SLC16A1: variants seen among roughly 807,000 people sequenced by gnomAD.
The protein encoded by SLC16A1 is solute carrier family 16 member 1, also known as monocarboxylate transporter 1.
Under a neutral mutation model 32.2 loss-of-function variants are expected in SLC16A1, and 11 were observed. The observed-to-expected ratio is 0.34, with a 90% confidence interval of 0.21 to 0.56. The LOEUF is 0.56. Among genes scored for constraint, SLC16A1 ranks in the 20% least tolerant of loss-of-function variants. The pLI is 0.87. For missense variants in SLC16A1, 435 were observed against 615.0 expected (o/e 0.71, Z 3.10); for synonymous variants, 231 against 226.8 (o/e 1.02, Z -0.17).
At chr1:112,923,340 C>T (rs911049250) in intron 2 of SLC16A1, 12 of 493,152 alleles carry the variant, frequency 2.4e-5, no homozygotes, top group East Asian at 4.0e-5. Flanking sequence ...CCTAAAGCCA[C>T]GCGGCCGCCA....
At position 112,944,915 on chromosome 1, in the gene SLC16A1, A is replaced by T. The variant is rs1490801356; in HGVS notation, c.-45+11120T>A. Among the ~76,000 whole-genome samples the T allele has an allele frequency of 2.7e-5, 4 of 150,102 alleles. No individual in the cohort carries two copies. In the East Asian group the frequency reaches 7.9e-4, roughly 30 times the overall value. On this transcript the variant is annotated intron_variant, in intron 1 of 4. Coordinates refer to ENST00000369626, the MANE Select transcript of SLC16A1 (RefSeq NM_003051.4). ...ACCGTGCTGGCTAGGCTGGTCTCAAACTCCTGACCTCAAATGATCTGCCCG... is the reference window on the plus strand; with the variant it reads ...ACCGTGCTGGCTAGGCTGGTCTCAATCTCCTGACCTCAAATGATCTGCCCG...
At chr1:112,948,768 G>A (rs1649788626) in intron 1 of SLC16A1, among the ~76,000 whole-genome samples, 1 of 152,132 alleles carries the variant, frequency 6.6e-6, no homozygotes, top group African/African-American at 2.4e-5. Context: ...CTCCCAAAGT[G>A]CTGGGATTAT....
In SLC16A1 at chr1:112,956,022, T is replaced by C. The variant is rs554436260; in HGVS notation, c.-45+13A>G. The C allele has an allele frequency of 5.3e-5, 8 of 152,194 alleles. No homozygotes were observed. The highest frequency in any genetic ancestry group is 4.2e-4 in the South Asian group (2 of 4,816). The allele number at this position is 152,194 out of a possible 1,614,324, so 9.4% of individuals were successfully genotyped here. The stretch of plus-strand genomic sequence containing the variant: ...GGTCCGCGCCGCGTGCCGCCGGCTG[T>C]TACCCAACTAACCGTTATATGCGCG... On this transcript the variant is annotated intron_variant, in intron 1 of 4. Coordinates refer to ENST00000369626, the MANE Select transcript of SLC16A1 (RefSeq NM_003051.4).
At chr1:112,947,042 A>G (rs1044840397) in intron 1 of SLC16A1, among the ~76,000 whole-genome samples, 1 of 152,240 alleles carries the variant, frequency 6.6e-6, no homozygotes, top group Non-Finnish European at 1.5e-5. Context: ...GAGTTTCCAA[A>G]TATAGACCCA....
At chr1:112,949,696 AATTTT>A (rs1649820999) in intron 1 of SLC16A1, among the ~76,000 whole-genome samples, 1 of 151,834 alleles carries the variant, frequency 6.6e-6, no homozygotes, top group African/African-American at 2.4e-5. Context: ...TTTTTAATAT[AATTTT>A]ATTTTTTTTT....
intron 2 of SLC16A1, among the ~76,000 whole-genome samples, chr1:112,927,515 A>T (rs1648983933): frequency 6.6e-6 from 1 of 152,192 alleles, no homozygotes; most frequent in Non-Finnish European, 1.5e-5. Context: ...CTATTAGGGG[A>T]TATACTATTT....
intron 1 of SLC16A1, among the ~76,000 whole-genome samples, chr1:112,954,072 G>A (rs765766412): frequency 2.0e-5 from 3 of 152,124 alleles, no homozygotes; most frequent in Admixed American, 1.3e-4. Context: ...ACAAATTGCC[G>A]AACATATAAA....
intron 2 of SLC16A1, among the ~76,000 whole-genome samples, chr1:112,926,228 A>C (rs1648937071): frequency 6.6e-6 from 1 of 152,198 alleles, no homozygotes; most frequent in Non-Finnish European, 1.5e-5. Context: ...TAAGCATGTT[A>C]AGAAGGAATT....
chr1:112,926,101 G>A (rs1648931321), intron 2 of SLC16A1, among the ~76,000 whole-genome samples: 1 of 152,200 alleles, frequency 6.6e-6, no homozygotes, highest in Non-Finnish European at 1.5e-5. Context: ...TACTGGCAGT[G>A]ATCATGATAC....
intron 1 of SLC16A1, among the ~76,000 whole-genome samples, chr1:112,938,113 T>C (rs1649372160): frequency 6.6e-6 from 1 of 152,194 alleles, no homozygotes; most frequent in Non-Finnish European, 1.5e-5. Flanking sequence ...ACATTTAAAA[T>C]GAAGCCACTG....
intron 1 of SLC16A1, among the ~76,000 whole-genome samples, chr1:112,933,649 A>G (rs1160010266): frequency 6.6e-6 from 1 of 152,198 alleles, no homozygotes; most frequent in East Asian, 1.9e-4. Flanking sequence ...AAACAAGCAC[A>G]TGTAAAGATG....
At chr1:112,943,008 T>C (rs1351623138) in intron 1 of SLC16A1, among the ~76,000 whole-genome samples, 2 of 152,134 alleles carry the variant, frequency 1.3e-5, no homozygotes, top group Non-Finnish European at 2.9e-5. Context: ...TCAGCCAACG[T>C]TATGTTAAAT....
chr1:112,922,087 G>A lies in SLC16A1; in HGVS notation c.264C>T (p.Val88=). Residue 88 remains valine, a synonymous_variant, in exon 3 of 5, where the codon GTC becomes GTT. Transcript: ENST00000369626. ...ILVNKYGSRI[V]MIVGGCLSGC... is the part of the protein sequence containing the mutation. The stretch of plus-strand genomic sequence containing the variant: ...CTGACAAGCAGCCACCAACAATCAT[G>A]ACTATACGACTTCCATATTTATTCA... 2 of 1,614,122 alleles carry A rather than the reference G, an allele frequency of 1.2e-6. No individual in the cohort carries two copies. The highest frequency in any genetic ancestry group is 1.7e-6 in the Non-Finnish European group (2 of 1,180,016).
intron 3 of SLC16A1, 114 bp from the exon 4 acceptor site, chr1:112,918,158 A>C (rs1045174277): frequency 5.0e-5 from 41 of 812,356 alleles, no homozygotes; most frequent in Non-Finnish European, 6.3e-5. Flanking sequence ...ATTAGAGGAC[A>C]TGTTATGTAG....
intron 1 of SLC16A1, among the ~76,000 whole-genome samples, chr1:112,931,482 C>A (rs1649126531): frequency 6.6e-6 from 1 of 151,572 alleles, no homozygotes; most frequent in East Asian, 1.9e-4. Flanking sequence ...CCCATTTCTA[C>A]TAAAAATACA....
At chr1:112,920,954 G>A (rs1045575076) in intron 3 of SLC16A1, among the ~76,000 whole-genome samples, 1 of 151,708 alleles carries the variant, frequency 6.6e-6, no homozygotes, top group Non-Finnish European at 1.5e-5. Flanking sequence ...TGACTAATGC[G>A]ATGAAACCCC....
Position 112,913,260 on chromosome 1 carries a change from C to G in SLC16A1, c.*631G>C, listed in dbSNP as rs1031977722. On this transcript the variant is annotated 3_prime_UTR_variant, in exon 5 of 5. Transcript: ENST00000369626. ...TACCTGAGAGGGGTTGACAAGTACA[C>G]TGTGTCTAGAACAGCCAAGATGTTG... The G allele has an allele frequency of 6.5e-6, 1 of 153,660 alleles. No individual in the cohort carries two copies. The highest frequency in any genetic ancestry group is 1.4e-5 in the Non-Finnish European group (1 of 69,094). 9.5% of individuals were successfully genotyped at this position (153,660 alleles called of 1,614,324 possible).
intron 3 of SLC16A1, among the ~76,000 whole-genome samples, chr1:112,919,631 T>C (rs1028308540): frequency 6.6e-6 from 1 of 152,244 alleles, no homozygotes; most frequent in African/African-American, 2.4e-5. Context: ...ACATTTAATG[T>C]AAGATAAAGT....
chr1:112,932,262 C>T (rs1380373334), intron 1 of SLC16A1, among the ~76,000 whole-genome samples: 2 of 152,202 alleles, frequency 1.3e-5, no homozygotes, highest in African/African-American at 4.8e-5. Flanking sequence ...AGGCCAGGTG[C>T]AGTGGCTCAC....
Sources: gnomAD v4.1 joint callset for allele counts (sites outside exome capture counted in the v4.1 genomes callset) on GRCh38, gnomAD v4.1.1 for gene constraint, MANE v1.5 for transcripts, NCBI Gene and HGNC (gene_info 2026-07-23, HGNC 2026-07-21) for gene names.